The following PAX7 variants were observed in gnomAD, a reference collection of about 807,000 sequenced individuals.
The protein encoded by PAX7 is paired box 7, also known as paired box protein Pax-7.
PAX7 carries 18 observed loss-of-function variants against 50.7 expected under a neutral mutation model. The ratio of observed to expected loss-of-function variants is 0.36; its 90% CI spans 0.25 to 0.53. The LOEUF is 0.53. Ranked by LOEUF, PAX7 falls within the 20% of genes least tolerant of loss-of-function variation. The probability of loss-of-function intolerance (pLI) is 0.93; values close to 1 mark genes in which losing one functional copy is unlikely to be tolerated. For missense variants in PAX7, 644 were observed against 702.9 expected (o/e 0.92, Z 0.95); for synonymous variants, 310 against 290.4 (o/e 1.07, Z -0.69).
intron 4 of PAX7, among the ~76,000 whole-genome samples, chr1:18,647,048 G>C (rs1414997329): frequency 6.9e-6 from 1 of 144,500 alleles, no homozygotes; most frequent in African/African-American, 2.6e-5. Context: ...AGGGGGAGGG[G>C]CGACCCGCGC....
intron 7 of PAX7, among the ~76,000 whole-genome samples, chr1:18,713,243 A>G (rs777824181): frequency 1.3e-5 from 2 of 152,196 alleles, no homozygotes; most frequent in African/African-American, 4.8e-5. Flanking sequence ...GGAAGGGGAA[A>G]GTAGCCTGCT....
rs749961238 is a variant in PAX7, at chr1:18,634,586, G to C, written c.321+48G>C. 8 of 1,546,852 alleles carry C rather than the reference G, an allele frequency of 5.2e-6. No individual in the cohort carries two copies. Among genetic ancestry groups the C allele is most frequent in the Non-Finnish European group, 7.1e-6 (8 of 1,124,846 alleles). ...CTGGCAGCTGGCTTCCTATAGTCGG[G>C]GGCTCCTGGTTGTGGCCCCTCTTAC... On this transcript the variant is annotated intron_variant, in intron 2 of 8. Coordinates refer to ENST00000420770, the MANE Select transcript of PAX7 (RefSeq NM_001135254.2). The surrounding 1 kb of genome is among the most constrained non-coding windows in gnomAD (Gnocchi z 4.0).
At chr1:18,631,835 C>A in intron 1 of PAX7, 147 bp downstream of exon 1, 1 of 693,028 alleles carries the variant, frequency 1.4e-6, no homozygotes, top group Non-Finnish European at 2.4e-6. Flanking sequence ...GGGCGCGGAA[C>A]CCAGGGAGTT....
intron 4 of PAX7, among the ~76,000 whole-genome samples, chr1:18,670,911 A>G (rs867353468): frequency 4.6e-5 from 7 of 152,160 alleles, no homozygotes; most frequent in African/African-American, 1.4e-4. Context: ...CTTAACAGGA[A>G]CCTGATGGGA....
chr1:18,698,691 C>T (rs1422769395), intron 5 of PAX7, among the ~76,000 whole-genome samples: 2 of 152,212 alleles, frequency 1.3e-5, no homozygotes, highest in African/African-American at 4.8e-5. Context: ...CTCCAGGGTG[C>T]CCCGGGGAAA....
chr1:18,711,376 A>C (rs2089349592), intron 7 of PAX7, among the ~76,000 whole-genome samples: 1 of 151,762 alleles, frequency 6.6e-6, no homozygotes, highest in African/African-American at 2.4e-5. Flanking sequence ...CACCCCCCTC[A>C]CCTGTGCCCT....
Position 18,632,353 on chromosome 1 carries a change from G to T in PAX7, c.85+665G>T, listed in dbSNP as rs921109286. On this transcript the variant is annotated intron_variant, in intron 1 of 8. Coordinates refer to ENST00000420770, the MANE Select transcript of PAX7 (RefSeq NM_001135254.2). This position sits in a 1 kb window ranked among gnomAD's most constrained non-coding sequence, Gnocchi z 6.3. ...GCGAGGTTTAGAGAACCTCTAAACG[G>T]CGAGAGGGGCACGGCAATGTCCAAA... Among the ~76,000 whole-genome samples the T allele has an allele frequency of 6.6e-6, 1 of 152,228 alleles. No individual in the cohort carries two copies. The highest frequency in any genetic ancestry group is 1.5e-5 in the Non-Finnish European group (1 of 68,042).
intron 8 of PAX7, among the ~76,000 whole-genome samples, chr1:18,739,814 A>G (rs1931025403): frequency 6.6e-6 from 1 of 151,846 alleles, no homozygotes. Context: ...TCTCTAGGGG[A>G]GTGGGGGCAG....
At chr1:18,665,953 T>G (rs574476164) in intron 4 of PAX7, among the ~76,000 whole-genome samples, 10 of 152,230 alleles carry the variant, frequency 6.6e-5, no homozygotes, top group African/African-American at 2.4e-4. Flanking sequence ...ATTACAGGCA[T>G]GAGCCACCAT....
Position 18,637,833 on chromosome 1 carries a change from G to T in PAX7, c.586+1462G>T, listed in dbSNP as rs532066570. Among the ~76,000 whole-genome samples, 3 of 152,388 alleles carry T rather than the reference G, an allele frequency of 2.0e-5. No homozygotes were observed. The South Asian group carries it at 6.2e-4, about 32-fold the overall frequency. On this transcript the variant is annotated intron_variant, in intron 4 of 8. Transcript: ENST00000420770. ...GCAGTCCCGCCCGGGACAAAAGGGCGAGGGAAGAAAGGGAGCCAGCTGTGC... is the reference window on the plus strand; with the variant it reads ...GCAGTCCCGCCCGGGACAAAAGGGCTAGGGAAGAAAGGGAGCCAGCTGTGC...
rs373323044 is a variant in PAX7, at chr1:18,635,100, C to T, written c.322-11C>T. 1.2e-6 allele frequency: 2 copies of T among 1,613,210 alleles called. No homozygotes were observed. Among genetic ancestry groups the T allele is most frequent in the African/African-American group, 2.7e-5 (2 of 74,902 alleles). On this transcript the variant is annotated splice_polypyrimidine_tract_variant and intron_variant, in intron 2 of 8. Coordinates refer to ENST00000420770, the MANE Select transcript of PAX7 (RefSeq NM_001135254.2). ...CTTTCCACTCCTACTCTCCCACCTC[C>T]ACCTCTGAAGCAGGTGGCGACTCCG... is the stretch of plus-strand genomic sequence containing the variant.
intron 4 of PAX7, among the ~76,000 whole-genome samples, chr1:18,684,322 T>C (rs1436829361): frequency 6.6e-6 from 1 of 152,178 alleles, no homozygotes; most frequent in Non-Finnish European, 1.5e-5. Flanking sequence ...TGGCTGGGTA[T>C]GGTGCCCAAT....
intron 4 of PAX7, among the ~76,000 whole-genome samples, chr1:18,648,763 C>T (rs1021043666): frequency 1.3e-5 from 2 of 152,094 alleles, no homozygotes; most frequent in African/African-American, 2.4e-5. Flanking sequence ...CCAAGGGCAG[C>T]GGGGAGCCAT....
At chr1:18,693,792 C>T (rs763879502) in intron 5 of PAX7, among the ~76,000 whole-genome samples, 28 of 152,232 alleles carry the variant, frequency 1.8e-4, no homozygotes, top group Non-Finnish European at 3.2e-4. Context: ...CTCGTTCCCA[C>T]GTCTGGCGGC....
Position 18,745,384 on chromosome 1 carries a change from C to G in PAX7, c.*455C>G. 1 of 244,274 alleles carries G rather than the reference C, an allele frequency of 4.1e-6. No homozygotes were observed. The highest frequency in any genetic ancestry group is 8.0e-6 in the Non-Finnish European group (1 of 124,256). The allele number at this position is 244,274 out of a possible 1,614,324, so 15.1% of individuals were successfully genotyped here. A position where few individuals can be genotyped will look rare whatever the true frequency, so the allele number is the denominator to read the frequency against. ...CTCAGCTGGATGTACTGGGAGCCAG[C>G]CCTGCAAGGAGGGTCTCTGGCTCAG... On this transcript the variant is annotated 3_prime_UTR_variant, in exon 9 of 9. Coordinates refer to ENST00000420770, the MANE Select transcript of PAX7 (RefSeq NM_001135254.2).
intron 7 of PAX7, among the ~76,000 whole-genome samples, chr1:18,707,319 C>T (rs946357410): frequency 6.6e-6 from 1 of 151,442 alleles, no homozygotes; most frequent in Non-Finnish European, 1.5e-5. Context: ...GGGTGTTTTA[C>T]TTATATTAAT....
At chr1:18,709,969 T>A (rs1163745078) in intron 7 of PAX7, among the ~76,000 whole-genome samples, 1 of 152,198 alleles carries the variant, frequency 6.6e-6, no homozygotes, top group Admixed American at 6.5e-5. Flanking sequence ...AGGCTTTACC[T>A]TTATTTATTT....
intron 4 of PAX7, among the ~76,000 whole-genome samples, chr1:18,677,632 T>C (rs1174162799): frequency 1.3e-5 from 2 of 152,030 alleles, no homozygotes; most frequent in Non-Finnish European, 2.9e-5. Context: ...GCTGGAAGCA[T>C]AGAAATAACT....
At chr1:18,640,797 C>T (rs917626839) in intron 4 of PAX7, among the ~76,000 whole-genome samples, 5 of 150,534 alleles carry the variant, frequency 3.3e-5, no homozygotes, top group Admixed American at 1.3e-4. Context: ...TCCAGTGCGA[C>T]CAGAGGGAGA....
Sources: gnomAD v4.1 joint callset for allele counts (sites outside exome capture counted in the v4.1 genomes callset) on GRCh38, gnomAD v4.1.1 for gene constraint, Gnocchi (gnomAD v3.1) non-coding constraint, MANE v1.5 for transcripts, NCBI Gene and HGNC (gene_info 2026-07-23, HGNC 2026-07-21) for gene names.